OXR1: variants seen among roughly 807,000 people sequenced by gnomAD.
OXR1 encodes oxidation resistance protein 1.
In OXR1, 41 loss-of-function variants were observed where a neutral mutation model predicts 104.6. The observed-to-expected ratio is 0.39, with a 90% CI of 0.31 to 0.51. The LOEUF (loss-of-function observed/expected upper bound fraction) is 0.51. OXR1 is among the 20% of genes least tolerant of loss of function. The pLI is 0.77. For missense variants in OXR1, 955 were observed against 1,031.9 expected, an observed-to-expected ratio of 0.93 and a Z score of 1.02; for synonymous variants, 348 against 348.4, an observed-to-expected ratio of 1.00 and a Z score of 0.01.
chr8:106,663,543 A>G (rs922613376), intron 3 of OXR1, among the ~76,000 whole-genome samples: 3 of 152,158 alleles, frequency 2.0e-5, no homozygotes, highest in African/African-American at 7.2e-5. Flanking sequence ...TAAGAGTTAG[A>G]TGATGGTTTA....
At chr8:106,583,942 G>T (rs1467914520) in intron 3 of OXR1, among the ~76,000 whole-genome samples, 3 of 151,926 alleles carry the variant, frequency 2.0e-5, no homozygotes, top group Admixed American at 1.3e-4. Flanking sequence ...ATTTATTGAG[G>T]TTCAACTCCT....
At chr8:106,383,395 A>T (rs1232456040) in intron 2 of OXR1, among the ~76,000 whole-genome samples, 1 of 152,184 alleles carries the variant, frequency 6.6e-6, no homozygotes, top group Non-Finnish European at 1.5e-5. Flanking sequence ...GATATGTATT[A>T]TATCCTCTTG....
intron 3 of OXR1, among the ~76,000 whole-genome samples, chr8:106,675,202 C>T (rs1361631575): frequency 2.0e-5 from 3 of 152,066 alleles, no homozygotes; most frequent in Non-Finnish European, 4.4e-5. Flanking sequence ...AACCAAATAA[C>T]CCATAATTTA....
chr8:106,511,222 G>A (rs1350298785), intron 2 of OXR1, among the ~76,000 whole-genome samples: 1 of 152,106 alleles, frequency 6.6e-6, no homozygotes, highest in Non-Finnish European at 1.5e-5. Flanking sequence ...TATAGGAGGG[G>A]TAACAAAAAC....
chr8:106,487,416 T>A (rs1431727944), intron 2 of OXR1, among the ~76,000 whole-genome samples: 2 of 149,486 alleles, frequency 1.3e-5, no homozygotes, highest in Admixed American at 6.7e-5. Context: ...ATGGGATACA[T>A]GTGATATTTT....
rs1310117196 is a variant in OXR1 at position 106,718,699 on chromosome 8, C to T, written c.1956+4714C>T. Among the ~76,000 whole-genome samples, 6 of 151,796 alleles carry T rather than the reference C, an allele frequency of 4.0e-5. No homozygotes were observed. The East Asian group carries it at 9.7e-4, about 24-fold the overall frequency. On this transcript the variant is annotated intron_variant, in intron 11 of 16. Coordinates refer to ENST00000517566, the MANE Select transcript of OXR1 (RefSeq NM_001198533.2). ...CTAAAAATACAAAAAATTAGCCGGGCGTGGTGGCGGGCGCTTCTTGTTGTA... is the reference window on the plus strand; with the variant it reads ...CTAAAAATACAAAAAATTAGCCGGGTGTGGTGGCGGGCGCTTCTTGTTGTA...
At chr8:106,424,465 T>C (rs1400916134) in intron 2 of OXR1, among the ~76,000 whole-genome samples, 1 of 152,152 alleles carries the variant, frequency 6.6e-6, no homozygotes, top group Non-Finnish European at 1.5e-5. Context: ...TTATTTTTAA[T>C]GGCTGCCTAG....
chr8:106,536,269 A>G (rs1390572072), intron 3 of OXR1, among the ~76,000 whole-genome samples: 1 of 151,696 alleles, frequency 6.6e-6, no homozygotes, highest in Admixed American at 6.6e-5. Context: ...CAAATTTTCA[A>G]AAATGTAGGA....
intron 2 of OXR1, among the ~76,000 whole-genome samples, chr8:106,400,653 A>G (rs953649306): frequency 6.6e-6 from 1 of 152,184 alleles, no homozygotes; most frequent in Admixed American, 6.5e-5. Flanking sequence ...CTGAATTATA[A>G]CATCCAATTT....
chr8:106,376,194 A>C (rs761252283), intron 2 of OXR1, among the ~76,000 whole-genome samples: 1 of 152,176 alleles, frequency 6.6e-6, no homozygotes, highest in South Asian at 2.1e-4. Flanking sequence ...ATTTGAGCTA[A>C]GGTGAAAACA....
chr8:106,650,377 C>T (rs1046016118), intron 3 of OXR1, among the ~76,000 whole-genome samples: 1 of 152,204 alleles, frequency 6.6e-6, no homozygotes. Context: ...AATGATGAGA[C>T]ATGCCTTAGG....
intron 2 of OXR1, among the ~76,000 whole-genome samples, chr8:106,416,003 TA>T (rs577786400): frequency 1.5e-3 from 229 of 152,232 alleles, no homozygotes; most frequent in African/African-American, 5.1e-3. Flanking sequence ...TTTTGCCAGG[TA>T]AACAGAACAG....
At chr8:106,530,248 T>C (rs974189898) in intron 3 of OXR1, among the ~76,000 whole-genome samples, 2 of 152,222 alleles carry the variant, frequency 1.3e-5, no homozygotes, top group Non-Finnish European at 2.9e-5. Flanking sequence ...CCTGATTTTT[T>C]TTAATTTGCT....
chr8:106,503,286 A>C (rs942375256), intron 2 of OXR1, among the ~76,000 whole-genome samples: 35 of 152,192 alleles, frequency 2.3e-4, no homozygotes, highest in Admixed American at 1.6e-3. Context: ...TGTAACAGGA[A>C]GTTAAAATTA....
intron 7 of OXR1, among the ~76,000 whole-genome samples, chr8:106,697,110 CA>C (rs1277604130): frequency 6.6e-6 from 1 of 152,076 alleles, no homozygotes; most frequent in Non-Finnish European, 1.5e-5. Flanking sequence ...CAGAACAGGC[CA>C]GGGGGAAAAA....
chr8:106,551,230 G>A (rs1815777016), intron 3 of OXR1, among the ~76,000 whole-genome samples: 1 of 152,144 alleles, frequency 6.6e-6, no homozygotes, highest in Non-Finnish European at 1.5e-5. Flanking sequence ...TTAGGAAATA[G>A]TCAATTAAAC....
intron 3 of OXR1, among the ~76,000 whole-genome samples, chr8:106,567,883 C>T (rs1380539451): frequency 6.6e-6 from 1 of 152,092 alleles, no homozygotes; most frequent in Non-Finnish European, 1.5e-5. Context: ...GAATAATTTA[C>T]TAACAGCCAC....
At position 106,684,224 on chromosome 8, in the gene OXR1, T is replaced by C. The variant is rs189539780; in HGVS notation, c.412-22T>C. The C allele has an allele frequency of 3.4e-3, 4,030 of 1,174,720 alleles. 13 individuals carry two copies. The highest frequency in any genetic ancestry group is 3.6e-3 in the Non-Finnish European group (2,849 of 784,102). The allele number at this position is 1,174,720 out of a possible 1,614,324, so 72.8% of individuals were successfully genotyped here. On this transcript the variant is annotated intron_variant, in intron 5 of 16. Coordinates refer to ENST00000517566, the MANE Select transcript of OXR1 (RefSeq NM_001198533.2). ...TTAACACTTCATTTTAACTAAATCT[T>C]TGTGTGAATGTTTTCTTACAGGTTC... is the stretch of plus-strand genomic sequence containing the variant.
At chr8:106,527,414 T>TA (rs1334318534) in intron 3 of OXR1, among the ~76,000 whole-genome samples, 1 of 152,330 alleles carries the variant, frequency 6.6e-6, no homozygotes, top group African/African-American at 2.4e-5. Context: ...ATAAGGTTGT[T>TA]ACTCTATAGA....
Sources: gnomAD v4.1 joint callset for allele counts (sites outside exome capture counted in the v4.1 genomes callset) on GRCh38, gnomAD v4.1.1 for gene constraint, MANE v1.5 for transcripts, NCBI Gene and HGNC (gene_info 2026-07-23, HGNC 2026-07-21) for gene names.